Variants in USO1 observed in about 807,000 individuals in gnomAD.
The protein encoded by USO1 is general vesicular transport factor p115.
A neutral mutation model predicts 124.5 loss-of-function variants in USO1; 57 were observed. That is an observed-to-expected ratio of 0.46 (90% CI 0.37 to 0.57). USO1 has a LOEUF of 0.57. USO1 is among the 20% of genes least tolerant of loss of function. USO1 has a pLI of 0.00. For missense variants in USO1, 900 were observed against 1,040.6 expected (o/e 0.86, Z 1.86); for synonymous variants, 369 against 362.8 (o/e 1.02, Z -0.19).
Position 75,724,809 on chromosome 4 carries a change from T to C in USO1, c.-11T>C. The C allele has an allele frequency of 6.2e-7, 1 of 1,613,760 alleles. No individual in the cohort carries two copies. The stretch of plus-strand genomic sequence containing the variant: ...CGGAGGGGCCGGTAAACCTGGTGGC[T>C]GAACGGCAAGATGAATTTCCTCCGC... On this transcript the variant is annotated 5_prime_UTR_variant, in exon 1 of 24. Coordinates refer to ENST00000514213, the MANE Select transcript of USO1 (RefSeq NM_003715.4).
At chr4:75,729,485 G>A (rs992873302) in intron 1 of USO1, among the ~76,000 whole-genome samples, 7 of 151,996 alleles carry the variant, frequency 4.6e-5, no homozygotes, top group Non-Finnish European at 7.4e-5. Context: ...GACTACAGGT[G>A]CACGCCACCA....
chr4:75,748,795 C>T (rs1721209533), intron 1 of USO1, among the ~76,000 whole-genome samples: 1 of 151,980 alleles, frequency 6.6e-6, no homozygotes, highest in Non-Finnish European at 1.5e-5. Context: ...TATAAGCTAC[C>T]TTAAAAAAAT....
rs1722961352 is a variant in USO1, at chr4:75,805,259, T to C, written c.2245T>C (p.Leu749=). 9.9e-6 allele frequency: 16 copies of C among 1,611,610 alleles called. No individual in the cohort carries two copies. The highest frequency in any genetic ancestry group is 1.7e-5 in the Admixed American group (1 of 59,664). Reference sequence around the variant, plus strand: ...AGAATTAAAACGTAATCAGGAACTTTTACAAAGCCAGCTGACTGAAAAGGA... The same window carrying C: ...AGAATTAAAACGTAATCAGGAACTTCTACAAAGCCAGCTGACTGAAAAGGA... The part of the protein sequence containing the change: ...IEELKRNQEL[L]QSQLTEKDSM... Residue 749 remains leucine (L), a synonymous_variant, in exon 19 of 24, where the codon TTA becomes CTA. Coordinates refer to ENST00000514213, the MANE Select transcript of USO1 (RefSeq NM_003715.4).
intron 1 of USO1, among the ~76,000 whole-genome samples, chr4:75,750,027 A>G (rs1055892930): frequency 2.0e-5 from 3 of 152,196 alleles, no homozygotes; most frequent in Non-Finnish European, 2.9e-5. Flanking sequence ...TGCTAGGATT[A>G]TAGGCGTGAG....
intron 13 of USO1, chr4:75,795,344 G>A: frequency 1.4e-6 from 1 of 702,394 alleles, no homozygotes; most frequent in African/African-American, 1.7e-5. Flanking sequence ...AGGGTGATAA[G>A]ATCGACAGAC....
chr4:75,788,498 G>A (rs1722434391), intron 10 of USO1, among the ~76,000 whole-genome samples: 1 of 150,004 alleles, frequency 6.7e-6, no homozygotes, highest in Non-Finnish European at 1.5e-5. Flanking sequence ...TCTATCCCTT[G>A]GTTCATTAAC....
At chr4:75,804,310 G>T in intron 18 of USO1, 38 bp downstream of exon 18, 1 of 1,584,286 alleles carries the variant, frequency 6.3e-7, no homozygotes, top group Non-Finnish European at 8.6e-7. Context: ...TAGCACTCAG[G>T]TCATTCTTTC....
chr4:75,792,108 TG>T (rs2149182656), intron 12 of USO1, among the ~76,000 whole-genome samples: 1 of 152,136 alleles, frequency 6.6e-6, no homozygotes, highest in South Asian at 2.1e-4. Flanking sequence ...AATTTTGAAA[TG>T]TATACTTAAG....
intron 13 of USO1, among the ~76,000 whole-genome samples, chr4:75,799,421 A>T (rs985360307): frequency 1.3e-5 from 2 of 152,008 alleles, no homozygotes; most frequent in Non-Finnish European, 1.5e-5. Flanking sequence ...TAATTTCTGC[A>T]CTCTGTTCAT....
At position 75,772,815 on chromosome 4, in the gene USO1, G is replaced by A. The variant is rs143018580; in HGVS notation, c.555+1678G>A. ...GCTCTTAAAAAAAATAACTGCATTA[G>A]GCCAGGCGTGGTGGCTTATATCTGT... On this transcript the variant is annotated intron_variant, in intron 7 of 23. Coordinates refer to ENST00000514213, the MANE Select transcript of USO1 (RefSeq NM_003715.4). 3.0e-4 allele frequency among the ~76,000 whole-genome samples: 45 copies of A among 152,116 alleles called. 2 individuals carry two copies. The East Asian group carries it at 8.1e-3, about 27-fold the overall frequency.
intron 1 of USO1, among the ~76,000 whole-genome samples, chr4:75,745,930 C>A (rs1437364670): frequency 6.6e-6 from 1 of 151,614 alleles, no homozygotes; most frequent in Admixed American, 6.6e-5. Context: ...ACGAAAAAAA[C>A]AGTTTATTAG....
chr4:75,760,310 A>C (rs1277956591), intron 4 of USO1, among the ~76,000 whole-genome samples: 1 of 152,252 alleles, frequency 6.6e-6, no homozygotes. Context: ...CATGAAATGT[A>C]ATTCTTAGCT....
chr4:75,813,200 C>G lies in USO1; in HGVS notation c.2800-6C>G. 1 of 1,600,438 alleles carries G rather than the reference C, an allele frequency of 6.2e-7. No individual in the cohort carries two copies. The highest frequency in any genetic ancestry group is 8.5e-7 in the Non-Finnish European group (1 of 1,176,190). On this transcript the variant is annotated splice_polypyrimidine_tract_variant and splice_region_variant and intron_variant, in intron 23 of 23. Transcript: ENST00000514213. ...TCACAATATTAAATACGTCTTTTTC[C>G]TCTAGGTTGAAGAAGAGGATGAACT...
chr4:75,752,879 C>T (rs1314234571), intron 3 of USO1, among the ~76,000 whole-genome samples: 1 of 151,890 alleles, frequency 6.6e-6, no homozygotes, highest in African/African-American at 2.4e-5. Context: ...GATGTCATTT[C>T]GATAAAGATT....
At chr4:75,792,079 C>T (rs1722548125) in intron 12 of USO1, among the ~76,000 whole-genome samples, 1 of 147,418 alleles carries the variant, frequency 6.8e-6, no homozygotes, top group African/African-American at 2.5e-5. Context: ...TTCAAATAAT[C>T]TAATTGTACT....
intron 1 of USO1, among the ~76,000 whole-genome samples, chr4:75,738,034 C>G (rs1329150375): frequency 6.6e-6 from 1 of 151,752 alleles, no homozygotes; most frequent in African/African-American, 2.4e-5. Flanking sequence ...AGAGTTTCAC[C>G]ATGTTGGCCA....
chr4:75,776,678 C>A (rs183331362), intron 8 of USO1, among the ~76,000 whole-genome samples: 1 of 152,192 alleles, frequency 6.6e-6, no homozygotes, highest in Non-Finnish European at 1.5e-5. Flanking sequence ...ATGCTTTTTC[C>A]TTCAAAGCCT....
chr4:75,785,660 C>A (rs1026842856), intron 9 of USO1, among the ~76,000 whole-genome samples: 2 of 151,934 alleles, frequency 1.3e-5, no homozygotes, highest in African/African-American at 2.4e-5. Context: ...CATAAATATT[C>A]CCTTTTTCTT....
chr4:75,771,202 C>A, intron 7 of USO1, 65 bp downstream of exon 7: 1 of 1,501,834 alleles, frequency 6.7e-7, no homozygotes, highest in Non-Finnish European at 8.9e-7. Flanking sequence ...AAATGAAATC[C>A]TTGTTGTTGA....
Sources: gnomAD v4.1 joint callset for allele counts (sites outside exome capture counted in the v4.1 genomes callset) on GRCh38, gnomAD v4.1.1 for gene constraint, MANE v1.5 for transcripts, NCBI Gene and HGNC (gene_info 2026-07-23, HGNC 2026-07-21) for gene names.